MUSK: variants seen among roughly 807,000 people sequenced by gnomAD.
The protein encoded by MUSK is muscle associated receptor tyrosine kinase, also known as muscle, skeletal receptor tyrosine-protein kinase.
A neutral mutation model predicts 88.7 loss-of-function variants in MUSK; 55 were observed. The ratio of observed to expected loss-of-function variants is 0.62; its 90% CI spans 0.50 to 0.78. The LOEUF is 0.78. Ranked by LOEUF, MUSK falls within the 30% of genes least tolerant of loss-of-function variation. The pLI, the probability that MUSK is intolerant of heterozygous loss-of-function variation, is 0.00. For missense variants in MUSK, 1,015 were observed against 1,074.3 expected, an observed-to-expected ratio of 0.94 and a Z score of 0.77; for synonymous variants, 387 against 391.9, an observed-to-expected ratio of 0.99 and a Z score of 0.15.
chr9:110,735,135 T>C (rs2077013446), intron 6 of MUSK, among the ~76,000 whole-genome samples: 1 of 152,092 alleles, frequency 6.6e-6, no homozygotes, highest in East Asian at 1.9e-4. Flanking sequence ...ACAGTCACTA[T>C]GGAAAACAGT....
chr9:110,778,563 C>A (rs914931944), intron 11 of MUSK, among the ~76,000 whole-genome samples: 1 of 152,068 alleles, frequency 6.6e-6, no homozygotes, highest in African/African-American at 2.4e-5. Context: ...TCTCTTAATA[C>A]TCCCAATAGT....
At chr9:110,696,851 G>C (rs750958939) in intron 4 of MUSK, among the ~76,000 whole-genome samples, 9 of 151,864 alleles carry the variant, frequency 5.9e-5, no homozygotes, top group Non-Finnish European at 1.0e-4. Context: ...TTGCAAGGAT[G>C]AACTGTATAG....
chr9:110,746,699 G>C (rs1208340405), intron 6 of MUSK, among the ~76,000 whole-genome samples: 1 of 152,170 alleles, frequency 6.6e-6, no homozygotes. Context: ...ACTTCCTGAC[G>C]TGTTGAACTA....
At chr9:110,689,196 A>G (rs376463780) in intron 3 of MUSK, among the ~76,000 whole-genome samples, 14,721 of 120,920 alleles carry the variant, frequency 0.12, 1,126 homozygotes, top group Non-Finnish European at 0.16. Context: ...TATATCATAT[A>G]TATATTCATA....
At chr9:110,669,106 T>C (rs1191198326) in intron 1 of MUSK, 123 bp downstream of exon 1, 1 of 853,582 alleles carries the variant, frequency 1.2e-6, no homozygotes, top group African/African-American at 1.7e-5. Flanking sequence ...GAAGTAAGGG[T>C]GAAATGTATG....
chr9:110,680,684 C>T (rs1023520631), intron 1 of MUSK, among the ~76,000 whole-genome samples: 1 of 151,734 alleles, frequency 6.6e-6, no homozygotes, highest in Admixed American at 6.6e-5. Context: ...CCATGCCCAG[C>T]TGTATTTCTT....
intron 1 of MUSK, among the ~76,000 whole-genome samples, chr9:110,681,418 A>G (rs1179085027): frequency 6.6e-6 from 1 of 151,592 alleles, no homozygotes; most frequent in African/African-American, 2.4e-5. Context: ...AATGATGTCT[A>G]AAACATGATC....
chr9:110,718,070 C>T (rs905487300), intron 5 of MUSK, among the ~76,000 whole-genome samples: 8 of 152,104 alleles, frequency 5.3e-5, no homozygotes, highest in African/African-American at 1.9e-4. Context: ...CATCTGAAAG[C>T]TTGAATGGGC....
intron 9 of MUSK, among the ~76,000 whole-genome samples, chr9:110,769,095 A>T (rs141941744): frequency 2.5e-3 from 383 of 152,334 alleles, no homozygotes; most frequent in African/African-American, 8.8e-3. Context: ...AGAGGATTAA[A>T]GGAAAAATCA....
intron 7 of MUSK, among the ~76,000 whole-genome samples, chr9:110,753,768 G>C (rs2077277902): frequency 1.3e-5 from 2 of 152,226 alleles, no homozygotes; most frequent in South Asian, 4.1e-4. Context: ...AAAATCTGAT[G>C]TGGTAATACT....
At position 110,784,965 on chromosome 9, in the gene MUSK, T is replaced by C. The variant is rs2077828877; in HGVS notation, c.1535T>C (p.Ile512Thr). ...TTTGCAATATTTGTGCTTCTTACCA[T>C]AACTACTCTCTATTGCTGCCGAAGA... Reference protein sequence around the residue: ...SSFAIFVLLTITTLYCCRRRK... With the variant: ...SSFAIFVLLTTTTLYCCRRRK... The change falls in exon 12 of 15, where the codon ATA (isoleucine) becomes ACA (threonine). Residue 512 changes from isoleucine to threonine, a missense_variant. Coordinates refer to ENST00000374448, the MANE Select transcript of MUSK (RefSeq NM_005592.4). The C allele has an allele frequency of 1.9e-6, 3 of 1,613,910 alleles. No individual in the cohort carries two copies. Among genetic ancestry groups the C allele is most frequent in the Non-Finnish European group, 2.5e-6 (3 of 1,179,842 alleles).
In MUSK at chr9:110,803,604, C is replaced by A. The variant is rs181295802; in HGVS notation, c.*2616C>A. ...GCACACTCTATATCTATATTTTATT[C>A]TATTAACTTCCTAAGTCTTTTTAAT... On this transcript the variant is annotated 3_prime_UTR_variant, in exon 15 of 15. Coordinates refer to ENST00000374448, the MANE Select transcript of MUSK (RefSeq NM_005592.4). 1.6e-4 allele frequency among the ~76,000 whole-genome samples: 24 copies of A among 152,290 alleles called. No individual in the cohort carries two copies. The highest frequency in any genetic ancestry group is 5.3e-4 in the African/African-American group (22 of 41,572).
chr9:110,683,450 G>A (rs1299841988), intron 2 of MUSK, among the ~76,000 whole-genome samples: 3 of 152,074 alleles, frequency 2.0e-5, no homozygotes, highest in African/African-American at 7.2e-5. Context: ...TAGGAGTATA[G>A]ATATCTCTTT....
rs747717789 is a variant in MUSK at position 110,768,018 on chromosome 9, G to A, written c.1119G>A (p.Leu373=). 1.2e-6 allele frequency: 2 copies of A among 1,613,998 alleles called. No homozygotes were observed. The highest frequency in any genetic ancestry group is 2.2e-5 in the South Asian group (2 of 91,086). Residue 373 remains leucine, a synonymous_variant, in exon 9 of 15, where the codon TTG becomes TTA. Coordinates refer to ENST00000374448, the MANE Select transcript of MUSK (RefSeq NM_005592.4). ...TCTGCCGGCCAGCTGCTGAGGCTTTGTTGTGTAACCACATCTTCCAGGAGT... is the reference window on the plus strand; with the variant it reads ...TCTGCCGGCCAGCTGCTGAGGCTTTATTGTGTAACCACATCTTCCAGGAGT... ...SPVCRPAAEA[L]LCNHIFQECS... is the part of the protein sequence containing the mutation.
At chr9:110,771,227 G>A (rs1179524834) in intron 9 of MUSK, among the ~76,000 whole-genome samples, 2 of 127,758 alleles carry the variant, frequency 1.6e-5, no homozygotes, top group African/African-American at 6.1e-5. Context: ...CTCCCAAGTA[G>A]CTGGGACTAC....
Position 110,680,839 on chromosome 9 carries a change from A to G in MUSK, c.80-1835A>G, listed in dbSNP as rs1302414141. ...CCTCTTTTATTTTTCTCAAACTCCT[A>G]TCAGAGGTGTATTAGTGCCTGTCAC... On this transcript the variant is annotated intron_variant, in intron 1 of 14. Transcript: ENST00000374448. Among the ~76,000 whole-genome samples the G allele has an allele frequency of 2.1e-5, 3 of 144,812 alleles. No individual in the cohort carries two copies. The Admixed American group carries it at 2.2e-4, about 11-fold the overall frequency.
intron 3 of MUSK, among the ~76,000 whole-genome samples, chr9:110,690,405 T>A (rs1235794018): frequency 1.6e-4 from 16 of 99,672 alleles, no homozygotes; most frequent in Admixed American, 1.3e-4. Flanking sequence ...TATACATAAA[T>A]ATATATATTT....
chr9:110,760,019 C>G (rs1207954127), intron 7 of MUSK, among the ~76,000 whole-genome samples: 1 of 152,116 alleles, frequency 6.6e-6, no homozygotes, highest in Admixed American at 6.5e-5. Context: ...CTGGGCCACA[C>G]AGTGAGACTC....
chr9:110,752,135 G>A (rs1480512142), intron 7 of MUSK, among the ~76,000 whole-genome samples: 1 of 152,112 alleles, frequency 6.6e-6, no homozygotes, highest in Non-Finnish European at 1.5e-5. Flanking sequence ...GGTGTGTCAT[G>A]AGTGTGATTG....
Sources: allele counts gnomAD v4.1 joint callset (sites outside exome capture counted in the v4.1 genomes callset), GRCh38; gene constraint gnomAD v4.1.1; transcripts MANE v1.5; gene names NCBI Gene and HGNC (gene_info 2026-07-23, HGNC 2026-07-21).